Variants in DIAPH3 observed in about 807,000 individuals in gnomAD.
DIAPH3 encodes the protein protein diaphanous homolog 3.
Under a neutral mutation model 144.3 loss-of-function variants are expected in DIAPH3, and 117 were observed. The observed-to-expected ratio is 0.81, with a 90% CI of 0.70 to 0.95. DIAPH3 has a LOEUF of 0.95. DIAPH3 is among the 40% of genes least tolerant of loss of function. The pLI is 0.00. For missense variants in DIAPH3, 1,421 were observed against 1,412.7 expected (o/e 1.01, Z -0.09); for synonymous variants, 519 against 488.9 (o/e 1.06, Z -0.81).
intron 25 of DIAPH3, among the ~76,000 whole-genome samples, chr13:59,802,635 T>TA (rs1217490593): frequency 1.4e-5 from 2 of 141,364 alleles, no homozygotes; most frequent in African/African-American, 2.6e-5. Flanking sequence ...GTCTATGACT[T>TA]ATTGATCTAT....
chr13:59,703,233 A>G lies in DIAPH3; in HGVS notation c.3320-36387T>C, dbSNP rs1049346180. On this transcript the variant is annotated intron_variant, in intron 27 of 27. Transcript: ENST00000400324. ...TGCACACTGATTTTGAAGACTTCGC[A>G]TGAGTAAAAGAAAACAGAGTATCTG... is the stretch of plus-strand genomic sequence containing the variant. 3.3e-5 allele frequency among the ~76,000 whole-genome samples: 5 copies of G among 152,342 alleles called. No homozygotes were observed. The East Asian group carries it at 7.7e-4, about 24-fold the overall frequency.
chr13:60,111,153 C>A (rs2138060674), intron 3 of DIAPH3, among the ~76,000 whole-genome samples: 1 of 152,186 alleles, frequency 6.6e-6, no homozygotes, highest in Non-Finnish European at 1.5e-5. Flanking sequence ...GAGAAAAGTG[C>A]ACTTTACGAT....
Position 59,875,168 on chromosome 13 carries a change from G to A in DIAPH3, c.2607+4061C>T, listed in dbSNP as rs574002805. Among the ~76,000 whole-genome samples the A allele has an allele frequency of 6.6e-5, 10 of 152,156 alleles. No individual in the cohort carries two copies. The South Asian group carries it at 1.7e-3, about 25-fold the overall frequency. ...GTCAGATAAGCATCTACCATCTGCC[G>A]ATTTAATTTCTAAAGATATGTTTTC... On this transcript the variant is annotated intron_variant, in intron 21 of 27. Transcript: ENST00000400324.
At chr13:59,976,437 A>G (rs2140639264) in intron 14 of DIAPH3, among the ~76,000 whole-genome samples, 1 of 151,994 alleles carries the variant, frequency 6.6e-6, no homozygotes, top group African/African-American at 2.4e-5. Flanking sequence ...TTTAAAAAGT[A>G]CACTATGGGC....
At chr13:59,972,479 CA>C (rs1566593651) in intron 15 of DIAPH3, among the ~76,000 whole-genome samples, 1 of 152,088 alleles carries the variant, frequency 6.6e-6, no homozygotes, top group African/African-American at 2.4e-5. Flanking sequence ...TTTGAATTTT[CA>C]TGGCACAATT....
chr13:59,783,186 A>G (rs1477581577), intron 25 of DIAPH3, among the ~76,000 whole-genome samples: 1 of 152,230 alleles, frequency 6.6e-6, no homozygotes, highest in Non-Finnish European at 1.5e-5. Flanking sequence ...TCAGGGCCCA[A>G]GTAAGTTACA....
intron 27 of DIAPH3, among the ~76,000 whole-genome samples, chr13:59,758,512 T>C (rs913286744): frequency 1.3e-5 from 2 of 152,226 alleles, no homozygotes; most frequent in Non-Finnish European, 2.9e-5. Context: ...GGGGCTACTG[T>C]GTTTCTAATT....
intron 4 of DIAPH3, among the ~76,000 whole-genome samples, chr13:60,085,253 T>C (rs1008716987): frequency 2.0e-5 from 3 of 152,154 alleles, no homozygotes; most frequent in Non-Finnish European, 4.4e-5. Flanking sequence ...TACTAGTATG[T>C]ATGGTACTTG....
intron 17 of DIAPH3, among the ~76,000 whole-genome samples, chr13:59,936,455 A>G (rs1456079092): frequency 6.6e-6 from 1 of 152,188 alleles, no homozygotes; most frequent in Non-Finnish European, 1.5e-5. Context: ...TTCAAATCAA[A>G]TAAAATATTA....
At chr13:59,719,852 G>C (rs762952682) in intron 27 of DIAPH3, among the ~76,000 whole-genome samples, 1 of 152,052 alleles carries the variant, frequency 6.6e-6, no homozygotes, top group South Asian at 2.1e-4. Flanking sequence ...TGACATTGTG[G>C]AACCTCCATA....
At chr13:59,924,901 G>A (rs369311389) in intron 17 of DIAPH3, 31 bp from the exon 18 acceptor site, 1 of 1,585,252 alleles carries the variant, frequency 6.3e-7, no homozygotes, top group African/African-American at 1.3e-5. Context: ...CATGTTAGGG[G>A]CAGCAATTCA....
intron 4 of DIAPH3, among the ~76,000 whole-genome samples, chr13:60,064,459 T>C (rs1045933034): frequency 2.6e-5 from 4 of 152,244 alleles, no homozygotes; most frequent in Non-Finnish European, 4.4e-5. Flanking sequence ...TGCACTTTTA[T>C]ACTATGAAGG....
In DIAPH3 at chr13:60,110,735, C is replaced by A. The variant is rs549287112; in HGVS notation, c.390+1275G>T. On this transcript the variant is annotated intron_variant, in intron 3 of 27. Transcript: ENST00000400324. ...AGTTACTCCAGTGAGGGTTTGATCA[C>A]CAAAATCTAATGCCAATAGGTAGAC... 2.4e-4 allele frequency among the ~76,000 whole-genome samples: 37 copies of A among 152,232 alleles called. No homozygotes were observed. The South Asian group carries it at 7.5e-3, about 31-fold the overall frequency.
intron 24 of DIAPH3, among the ~76,000 whole-genome samples, chr13:59,823,399 G>T (rs1182511318): frequency 1.3e-5 from 2 of 152,138 alleles, no homozygotes; most frequent in Non-Finnish European, 2.9e-5. Context: ...CAGTCTTATA[G>T]TTAGCATATT....
At chr13:60,089,212 G>C (rs78791097) in intron 4 of DIAPH3, among the ~76,000 whole-genome samples, 1 of 152,044 alleles carries the variant, frequency 6.6e-6, no homozygotes, top group Non-Finnish European at 1.5e-5. Flanking sequence ...AAAGAGAAAA[G>C]AGGAAAAAGA....
chr13:59,950,702 A>G (rs1204467663), intron 17 of DIAPH3, among the ~76,000 whole-genome samples: 1 of 152,142 alleles, frequency 6.6e-6, no homozygotes, highest in East Asian at 1.9e-4. Flanking sequence ...TTTTCTAATT[A>G]TCCCAATTAA....
chr13:59,848,455 A>G (rs2042788758), intron 22 of DIAPH3, among the ~76,000 whole-genome samples: 1 of 151,258 alleles, frequency 6.6e-6, no homozygotes, highest in Non-Finnish European at 1.5e-5. Context: ...TCCCAGTGCT[A>G]TCCCTCCCCG....
chr13:59,851,958 T>C (rs878936992), intron 22 of DIAPH3, among the ~76,000 whole-genome samples: 7 of 152,160 alleles, frequency 4.6e-5, no homozygotes, highest in Non-Finnish European at 5.9e-5. Flanking sequence ...ATTTTTTTTT[T>C]TCTGTCACTC....
chr13:59,853,624 T>C (rs2043102185), intron 22 of DIAPH3, among the ~76,000 whole-genome samples: 1 of 152,174 alleles, frequency 6.6e-6, no homozygotes, highest in South Asian at 2.1e-4. Context: ...CCTGTGTAAC[T>C]GCGAGCCACT....
Sources: gnomAD v4.1 joint callset for allele counts (sites outside exome capture counted in the v4.1 genomes callset) on GRCh38, gnomAD v4.1.1 for gene constraint, MANE v1.5 for transcripts, NCBI Gene and HGNC (gene_info 2026-07-23, HGNC 2026-07-21) for gene names.